ADGRL2: variants seen among roughly 807,000 people sequenced by gnomAD.
ADGRL2 encodes the protein adhesion G protein-coupled receptor L2.
Under a neutral mutation model 157.4 loss-of-function variants are expected in ADGRL2, and 44 were observed. The ratio of observed to expected loss-of-function variants is 0.28; its 90% CI spans 0.22 to 0.36. The LOEUF is 0.36. ADGRL2 is among the 10% of genes least tolerant of loss of function. The pLI, the probability that ADGRL2 is intolerant of heterozygous loss-of-function variation, is 1.00. For missense variants in ADGRL2, 1,510 were observed against 1,768.9 expected, an observed-to-expected ratio of 0.85 and a Z score of 2.63; for synonymous variants, 585 against 624.7, an observed-to-expected ratio of 0.94 and a Z score of 0.95.
chr1:81,903,974 G>A (rs1269679660), intron 2 of ADGRL2, among the ~76,000 whole-genome samples: 1 of 151,440 alleles, frequency 6.6e-6, no homozygotes, highest in Non-Finnish European at 1.5e-5. Flanking sequence ...TTTGGTGGGG[G>A]AGATGGCATA....
rs926218829 is a variant in ADGRL2, at chr1:81,939,642, C to T, written c.398-2392C>T. Among the ~76,000 whole-genome samples the T allele has an allele frequency of 6.6e-5, 10 of 151,432 alleles. No individual in the cohort carries two copies. In the East Asian group the frequency reaches 7.7e-4, roughly 12 times the overall value. ...ATCCATGTAGTCCTCCACTGATGTTCGTGGGTCATATACTTGTATGTTTGG... is the reference window on the plus strand; with the variant it reads ...ATCCATGTAGTCCTCCACTGATGTTTGTGGGTCATATACTTGTATGTTTGG... On this transcript the variant is annotated intron_variant, in intron 4 of 23. Transcript: ENST00000686636.
intron 2 of ADGRL2, among the ~76,000 whole-genome samples, chr1:81,459,846 A>G (rs1390587185): frequency 6.6e-6 from 1 of 151,680 alleles, no homozygotes; most frequent in Non-Finnish European, 1.5e-5. Flanking sequence ...ACACACACAT[A>G]CACACACTAA....
At chr1:81,820,130 CA>C (rs2090834575) in intron 1 of ADGRL2, among the ~76,000 whole-genome samples, 1 of 152,166 alleles carries the variant, frequency 6.6e-6, no homozygotes, top group Admixed American at 6.6e-5. Context: ...TTATGGGTGA[CA>C]ACCCTGAACA....
chr1:81,728,509 A>G (rs1393325322), intron 1 of ADGRL2, among the ~76,000 whole-genome samples: 1 of 152,222 alleles, frequency 6.6e-6, no homozygotes, highest in Non-Finnish European at 1.5e-5. Flanking sequence ...TATTCTCTGC[A>G]GAACTTTTTT....
At chr1:81,897,551 A>C (rs1350797528) in intron 2 of ADGRL2, among the ~76,000 whole-genome samples, 1 of 152,152 alleles carries the variant, frequency 6.6e-6, no homozygotes, top group Non-Finnish European at 1.5e-5. Flanking sequence ...TCTAGTAAGG[A>C]ATTTAACCCC....
At chr1:81,534,449 A>T (rs942291875) in intron 2 of ADGRL2, among the ~76,000 whole-genome samples, 4 of 152,216 alleles carry the variant, frequency 2.6e-5, no homozygotes, top group African/African-American at 9.6e-5. Flanking sequence ...GGCGTTAGCC[A>T]CCGCACCAGG....
intron 2 of ADGRL2, among the ~76,000 whole-genome samples, chr1:81,458,873 C>T (rs1386900875): frequency 6.6e-6 from 1 of 152,124 alleles, no homozygotes; most frequent in Admixed American, 6.5e-5. Flanking sequence ...TCATTCGTTC[C>T]CACTGCCCAC....
At chr1:81,945,960 T>C (rs968175565) in intron 6 of ADGRL2, among the ~76,000 whole-genome samples, 13 of 152,212 alleles carry the variant, frequency 8.5e-5, no homozygotes, top group Middle Eastern at 6.8e-3. Context: ...TATATGCATG[T>C]AGGTGGGGTC....
intron 1 of ADGRL2, among the ~76,000 whole-genome samples, chr1:81,752,097 G>A (rs2085508092): frequency 6.6e-6 from 1 of 152,152 alleles, no homozygotes; most frequent in Admixed American, 6.6e-5. Flanking sequence ...GCCTTTGGGA[G>A]GTGATTAGGT....
chr1:81,321,177 T>C (rs1435977366), intron 1 of ADGRL2, among the ~76,000 whole-genome samples: 1 of 152,208 alleles, frequency 6.6e-6, no homozygotes, highest in East Asian at 1.9e-4. Context: ...CTTCTGAAGC[T>C]TTATAAAATT....
intron 2 of ADGRL2, among the ~76,000 whole-genome samples, chr1:81,782,825 C>G (rs1048566190): frequency 1.3e-5 from 2 of 152,120 alleles, no homozygotes; most frequent in South Asian, 4.1e-4. Context: ...GAAAGCAGAG[C>G]TTAGAAGGAA....
intron 3 of ADGRL2, among the ~76,000 whole-genome samples, chr1:81,616,708 G>A (rs1419268168): frequency 2.7e-5 from 3 of 110,546 alleles, no homozygotes; most frequent in African/African-American, 7.5e-5. Flanking sequence ...ACAGGGTCTC[G>A]CTCTGTTGCC....
intron 1 of ADGRL2, among the ~76,000 whole-genome samples, chr1:81,804,924 A>T (rs762741360): frequency 6.6e-6 from 1 of 152,222 alleles, no homozygotes; most frequent in Non-Finnish European, 1.5e-5. Flanking sequence ...ATAGGGAAAA[A>T]GTCAGCGGAG....
At chr1:81,518,972 T>C (rs1177734589) in intron 2 of ADGRL2, among the ~76,000 whole-genome samples, 3 of 152,212 alleles carry the variant, frequency 2.0e-5, no homozygotes, top group Non-Finnish European at 4.4e-5. Context: ...ATATCTTATA[T>C]GTCTATAGCT....
intron 1 of ADGRL2, among the ~76,000 whole-genome samples, chr1:81,709,233 G>A (rs530674458): frequency 6.6e-5 from 10 of 152,068 alleles, no homozygotes; most frequent in African/African-American, 2.4e-4. Context: ...TGCAAAAGCC[G>A]AAATTACTTT....
chr1:81,353,773 G>T (rs1663083621), intron 1 of ADGRL2, among the ~76,000 whole-genome samples: 1 of 152,182 alleles, frequency 6.6e-6, no homozygotes, highest in Non-Finnish European at 1.5e-5. Flanking sequence ...GGATGATAGT[G>T]TGAACGTGTC....
At chr1:81,703,795 C>T (rs944243088) in intron 1 of ADGRL2, among the ~76,000 whole-genome samples, 3 of 152,114 alleles carry the variant, frequency 2.0e-5, no homozygotes, top group Non-Finnish European at 2.9e-5. Context: ...CTTAGGATTA[C>T]CTAACAGTCT....
intron 2 of ADGRL2, among the ~76,000 whole-genome samples, chr1:81,845,910 A>G: frequency 6.6e-6 from 1 of 151,318 alleles, no homozygotes; most frequent in Non-Finnish European, 1.5e-5. Flanking sequence ...TTATATAGCT[A>G]TTTTCTTTTG....
chr1:81,886,589 A>G (rs1186921779), intron 2 of ADGRL2, among the ~76,000 whole-genome samples: 3 of 152,132 alleles, frequency 2.0e-5, no homozygotes, highest in Non-Finnish European at 4.4e-5. Flanking sequence ...GTAATTTTGT[A>G]TTTTATGTTT....
Sources: allele counts gnomAD v4.1 joint callset (sites outside exome capture counted in the v4.1 genomes callset), GRCh38; gene constraint gnomAD v4.1.1; transcripts MANE v1.5; gene names NCBI Gene and HGNC (gene_info 2026-07-23, HGNC 2026-07-21).